Variants in FRMD4B observed in about 807,000 individuals in gnomAD.
FRMD4B encodes the protein FERM domain containing 4B.
FRMD4B carries 74 observed loss-of-function variants against 141.5 expected under a neutral mutation model. The ratio of observed to expected loss-of-function variants is 0.52; its 90% CI spans 0.43 to 0.63. The LOEUF is 0.63. Ranked by LOEUF, FRMD4B falls within the 30% of genes least tolerant of loss-of-function variation. The pLI is 0.00. For missense variants in FRMD4B, 1,366 were observed against 1,253.4 expected (o/e 1.09, Z -1.36); for synonymous variants, 506 against 467.9 (o/e 1.08, Z -1.05).
intron 1 of FRMD4B, among the ~76,000 whole-genome samples, chr3:69,369,661 G>A (rs943534735): frequency 6.6e-6 from 1 of 152,186 alleles, no homozygotes; most frequent in African/African-American, 2.4e-5. Flanking sequence ...TTATGAGCTC[G>A]GCTGGAACTA....
intron 5 of FRMD4B, among the ~76,000 whole-genome samples, chr3:69,267,531 C>T (rs538870384): frequency 6.6e-6 from 1 of 150,722 alleles, no homozygotes; most frequent in Non-Finnish European, 1.5e-5. Context: ...ACACCCAGCA[C>T]CTATATAGGC....
intron 1 of FRMD4B, among the ~76,000 whole-genome samples, chr3:69,528,272 ACCTT>A (rs766982366): frequency 1.7e-5 from 2 of 118,492 alleles, no homozygotes; most frequent in African/African-American, 6.3e-5. Flanking sequence ...CTTCCTTCCT[ACCTT>A]CCTTCCTTCC....
At chr3:69,453,450 T>A (rs1012403475) in intron 1 of FRMD4B, among the ~76,000 whole-genome samples, 25 of 152,234 alleles carry the variant, frequency 1.6e-4, no homozygotes, top group African/African-American at 5.8e-4. Context: ...AGCACATGTA[T>A]GTAAAAGCAG....
chr3:69,373,497 T>C (rs895558129), intron 1 of FRMD4B, among the ~76,000 whole-genome samples: 3 of 152,226 alleles, frequency 2.0e-5, no homozygotes, highest in African/African-American at 7.2e-5. Context: ...TATACCTATT[T>C]AACATCATTA....
intron 13 of FRMD4B, 59 bp downstream of exon 13, chr3:69,196,841 C>A: frequency 7.4e-7 from 1 of 1,354,468 alleles, no homozygotes; most frequent in Non-Finnish European, 1.0e-6. Context: ...GAAGGCTTAT[C>A]TTCTGAACAG....
intron 11 of FRMD4B, among the ~76,000 whole-genome samples, chr3:69,215,956 C>A (rs1214125353): frequency 1.3e-5 from 2 of 152,036 alleles, no homozygotes; most frequent in African/African-American, 4.8e-5. Context: ...AAGTTTGAGA[C>A]CAGCCTGGCC....
intron 1 of FRMD4B, among the ~76,000 whole-genome samples, chr3:69,500,854 G>A (rs1706483587): frequency 2.6e-5 from 4 of 152,146 alleles, no homozygotes; most frequent in Admixed American, 1.3e-4. Context: ...GAATCAAGAA[G>A]CACAAATAAA....
At chr3:69,437,774 CTATA>C (rs1189021471) in intron 1 of FRMD4B, among the ~76,000 whole-genome samples, 2 of 126,886 alleles carry the variant, frequency 1.6e-5, no homozygotes, top group African/African-American at 6.3e-5. Context: ...ACTATATATA[CTATA>C]TATACTATAT....
intron 1 of FRMD4B, among the ~76,000 whole-genome samples, chr3:69,321,165 G>A (rs1701981730): frequency 6.6e-6 from 1 of 152,122 alleles, no homozygotes; most frequent in Non-Finnish European, 1.5e-5. Context: ...GAGGAGAGTG[G>A]GTTGGTAAGA....
chr3:69,355,051 A>T (rs762152285), intron 1 of FRMD4B, among the ~76,000 whole-genome samples: 6 of 152,008 alleles, frequency 3.9e-5, no homozygotes, highest in Non-Finnish European at 8.8e-5. Flanking sequence ...CTGGGCAATG[A>T]TATTCCCAGA....
intron 1 of FRMD4B, among the ~76,000 whole-genome samples, chr3:69,337,588 A>G (rs1702598918): frequency 6.6e-6 from 1 of 152,210 alleles, no homozygotes; most frequent in African/African-American, 2.4e-5. Context: ...AGAGTCTACA[A>G]TGAACTCCAA....
chr3:69,472,434 C>T (rs1705907921), intron 1 of FRMD4B: 1 of 453,752 alleles, frequency 2.2e-6, no homozygotes, highest in Admixed American at 2.4e-5. Context: ...TAATTAATCA[C>T]TAAAAAGGCC....
Position 69,196,886 on chromosome 3 carries a change from T to C in FRMD4B, c.1092+14A>G. 2 of 1,597,432 alleles carry C rather than the reference T, an allele frequency of 1.3e-6. No individual in the cohort carries two copies. Among genetic ancestry groups the C allele is most frequent in the Non-Finnish European group, 1.7e-6 (2 of 1,165,738 alleles). Reference sequence around the variant, plus strand: ...GGGGAATCTGTCCCTATAGAAATGATGCCAGTTACTTACTTTGCTTTGCTT... The same window carrying C: ...GGGGAATCTGTCCCTATAGAAATGACGCCAGTTACTTACTTTGCTTTGCTT... On this transcript the variant is annotated intron_variant, in intron 13 of 22. Transcript: ENST00000398540.
chr3:69,268,123 T>A (rs1343810715), intron 5 of FRMD4B, among the ~76,000 whole-genome samples: 1 of 151,936 alleles, frequency 6.6e-6, no homozygotes, highest in East Asian at 1.9e-4. Flanking sequence ...CCAGGAAGAA[T>A]GAGGCTGTCA....
intron 1 of FRMD4B, among the ~76,000 whole-genome samples, chr3:69,315,577 T>G (rs1011118553): frequency 8.5e-5 from 13 of 152,256 alleles, no homozygotes; most frequent in Admixed American, 2.0e-4. Flanking sequence ...GGACTATGCT[T>G]CACTTGCTGT....
intron 1 of FRMD4B, among the ~76,000 whole-genome samples, chr3:69,361,472 TA>T (rs1285320957): frequency 7.2e-5 from 11 of 152,256 alleles, no homozygotes; most frequent in African/African-American, 2.6e-4. Flanking sequence ...CCCCAAGATA[TA>T]AAACTTTTCC....
At chr3:69,531,928 A>G (rs1701014402) in intron 1 of FRMD4B, among the ~76,000 whole-genome samples, 1 of 152,238 alleles carries the variant, frequency 6.6e-6, no homozygotes, top group Non-Finnish European at 1.5e-5. Context: ...GCAGTAAAAG[A>G]GCAGCTAGAC....
intron 1 of FRMD4B, among the ~76,000 whole-genome samples, chr3:69,324,393 A>C (rs140131621): frequency 6.6e-6 from 1 of 152,354 alleles, no homozygotes; most frequent in East Asian, 1.9e-4. Context: ...TGTTCTTGGC[A>C]CTATTATATA....
intron 1 of FRMD4B, among the ~76,000 whole-genome samples, chr3:69,325,013 G>A (rs1473634604): frequency 6.7e-6 from 1 of 148,756 alleles, no homozygotes; most frequent in African/African-American, 2.5e-5. Context: ...CAGGTGTTTC[G>A]AGTTGCAGTG....
Sources: gnomAD v4.1 joint callset for allele counts (sites outside exome capture counted in the v4.1 genomes callset) on GRCh38, gnomAD v4.1.1 for gene constraint, MANE v1.5 for transcripts, NCBI Gene and HGNC (gene_info 2026-07-23, HGNC 2026-07-21) for gene names.